BMP1: variants seen among roughly 807,000 people sequenced by gnomAD.
BMP1 encodes the protein mammalian tolloid protein.
Under a neutral mutation model 116.8 loss-of-function variants are expected in BMP1, and 63 were observed. The observed-to-expected ratio is 0.54, with a 90% CI of 0.44 to 0.67. The LOEUF (loss-of-function observed/expected upper bound fraction) is 0.67. Ranked by LOEUF, BMP1 falls within the 30% of genes least tolerant of loss-of-function variation. BMP1 has a pLI of 0.00. For missense variants in BMP1, 1,183 were observed against 1,358.9 expected (o/e 0.87, Z 2.04); for synonymous variants, 536 against 533.4 (o/e 1.00, Z -0.07).
At chr8:22,187,200 A>G (rs1828797187) in intron 8 of BMP1, among the ~76,000 whole-genome samples, 1 of 152,040 alleles carries the variant, frequency 6.6e-6, no homozygotes, top group South Asian at 2.1e-4. Flanking sequence ...CATGTTGGCC[A>G]GGCTAGTCTC....
intron 1 of BMP1, chr8:22,171,452 C>T (rs2131841239): frequency 6.6e-6 from 1 of 152,330 alleles, no homozygotes; most frequent in Admixed American, 6.5e-5. Flanking sequence ...TCAACATTTA[C>T]ATAAGGTGTC....
intron 13 of BMP1, 133 bp from the exon 14 acceptor site, chr8:22,196,547 C>G (rs1829096929): frequency 7.9e-6 from 11 of 1,394,420 alleles, no homozygotes; most frequent in Admixed American, 5.2e-5. Flanking sequence ...CCAGAGGGAC[C>G]AGACACAGGT....
intron 19 of BMP1, among the ~76,000 whole-genome samples, chr8:22,210,367 C>CTTT (rs1198888155): frequency 1.5e-3 from 183 of 118,204 alleles, no homozygotes; most frequent in East Asian, 3.3e-3. Flanking sequence ...GCCTCTTCTT[C>CTTT]TTTTTTTTTT....
At position 22,176,643 on chromosome 8, in the gene BMP1, C is replaced by T. The variant is rs776839778; in HGVS notation, c.544C>T (p.Pro182Ser). Reference sequence around the variant, plus strand: ...CAGCTATATTGTGTTCACCTATCGACCTTGCGGGTGAGCAGGAAGCCCTAG... The same window carrying T: ...CAGCTATATTGTGTTCACCTATCGATCTTGCGGGTGAGCAGGAAGCCCTAG... ...EDSYIVFTYR[P>S]CGCCSYVGRR... Residue 182 changes from proline (P) to serine (S), a missense_variant, in exon 4 of 20, where the codon CCT becomes TCT. Pro to Ser is a moderately conservative substitution (Grantham distance 74). Coordinates refer to ENST00000306385, the MANE Select transcript of BMP1 (RefSeq NM_006129.5). 1 of 1,614,124 alleles carries T rather than the reference C, an allele frequency of 6.2e-7. No individual in the cohort carries two copies. The highest frequency in any genetic ancestry group is 1.7e-5 in the Admixed American group (1 of 60,022).
chr8:22,181,480 C>G (rs541802318), intron 8 of BMP1, among the ~76,000 whole-genome samples: 1 of 152,080 alleles, frequency 6.6e-6, no homozygotes, highest in South Asian at 2.1e-4. Flanking sequence ...GTTGATTAGC[C>G]CTGTTTGAAT....
At chr8:22,187,491 C>T (rs903294514) in intron 8 of BMP1, among the ~76,000 whole-genome samples, 23 of 146,758 alleles carry the variant, frequency 1.6e-4, no homozygotes, top group Admixed American at 2.7e-4. Flanking sequence ...CCACCACGCC[C>T]GGCTAATTTT....
At chr8:22,192,226 C>G in intron 9 of BMP1, 75 bp downstream of exon 9, 1 of 1,343,038 alleles carries the variant, frequency 7.4e-7, no homozygotes, top group Admixed American at 1.7e-5. Context: ...ACTCTTCATC[C>G]CCCTCCAGGG....
At chr8:22,199,524 TC>T in intron 15 of BMP1, 2 of 867,014 alleles carry the variant, frequency 2.3e-6, no homozygotes, top group Non-Finnish European at 3.0e-6. Flanking sequence ...GGACTCACTT[TC>T]CCCCACTCAT....
At chr8:22,203,854 T>G (rs183249408) in intron 16 of BMP1, among the ~76,000 whole-genome samples, 14 of 152,342 alleles carry the variant, frequency 9.2e-5, no homozygotes, top group Non-Finnish European at 2.9e-5. Context: ...CTAAACTGCA[T>G]TCTGTCTCTG....
chr8:22,180,329 G>A, intron 7 of BMP1, 39 bp from the exon 8 acceptor site: 1 of 1,539,970 alleles, frequency 6.5e-7, no homozygotes, highest in Non-Finnish European at 9.0e-7. Context: ...GGGGGATTTG[G>A]CGCCTGCAGC....
At chr8:22,183,616 A>G (rs1179181242) in intron 8 of BMP1, among the ~76,000 whole-genome samples, 1 of 150,762 alleles carries the variant, frequency 6.6e-6, no homozygotes, top group Non-Finnish European at 1.5e-5. Flanking sequence ...TATTATTATT[A>G]TTATTATTGA....
At chr8:22,189,566 T>A (rs116825679) in intron 8 of BMP1, among the ~76,000 whole-genome samples, 9,603 of 151,896 alleles carry the variant, frequency 0.063, 354 homozygotes, top group Admixed American at 0.097. Context: ...TCCTAGGCTC[T>A]GGGGATCCTC....
intron 8 of BMP1, among the ~76,000 whole-genome samples, chr8:22,183,056 T>C (rs886435513): frequency 6.6e-6 from 1 of 152,240 alleles, no homozygotes; most frequent in Non-Finnish European, 1.5e-5. Context: ...GCTTCTCTCT[T>C]GGTTGATATT....
intron 1 of BMP1, among the ~76,000 whole-genome samples, chr8:22,173,033 A>G (rs1828325710): frequency 6.6e-6 from 1 of 152,122 alleles, no homozygotes; most frequent in East Asian, 1.9e-4. Flanking sequence ...TATCTGGAAG[A>G]CCCTAGGTCA....
chr8:22,207,187 C>A (rs989986899), intron 17 of BMP1, 116 bp from the exon 18 acceptor site: 2 of 1,388,672 alleles, frequency 1.4e-6, no homozygotes, highest in Admixed American at 1.9e-5. Flanking sequence ...TCACTGTCAT[C>A]CCCAGCTGTG....
chr8:22,180,656 C>T (rs1179577637), intron 8 of BMP1, among the ~76,000 whole-genome samples, 173 bp downstream of exon 8: 1 of 152,248 alleles, frequency 6.6e-6, no homozygotes. Flanking sequence ...TCCTGGCATT[C>T]ACCGCCTTCC....
intron 16 of BMP1, 33 bp downstream of exon 16, chr8:22,201,961 G>T (rs1288923131): frequency 2.5e-6 from 4 of 1,591,284 alleles, no homozygotes; most frequent in Non-Finnish European, 3.4e-6. Context: ...ATCTGGGCTT[G>T]AAGGACCTGC....
At chr8:22,206,809 C>T (rs773741829) in intron 16 of BMP1, 45 bp from the exon 17 acceptor site, 28 of 1,612,146 alleles carry the variant, frequency 1.7e-5, no homozygotes, top group Non-Finnish European at 1.4e-5. Flanking sequence ...GGCATCGGAG[C>T]TTGGGGTCCC....
intron 13 of BMP1, chr8:22,196,105 T>C: frequency 2.1e-6 from 1 of 478,886 alleles, no homozygotes; most frequent in Admixed American, 2.2e-5. Flanking sequence ...GTTTTGTTTT[T>C]TCATTCTTGG....
Sources: allele counts gnomAD v4.1 joint callset (sites outside exome capture counted in the v4.1 genomes callset), GRCh38; gene constraint gnomAD v4.1.1; transcripts MANE v1.5; gene names NCBI Gene and HGNC (gene_info 2026-07-23, HGNC 2026-07-21).